DERL1: variants seen among roughly 807,000 people sequenced by gnomAD.
The protein encoded by DERL1 is derlin-1.
Under a neutral mutation model 41.6 loss-of-function variants are expected in DERL1, and 24 were observed. The observed-to-expected ratio is 0.58, with a 90% CI of 0.42 to 0.81. The LOEUF (loss-of-function observed/expected upper bound fraction) is 0.81, where lower values mean the gene tolerates loss of function less well. Ranked by LOEUF, DERL1 falls within the 30% of genes least tolerant of loss-of-function variation. DERL1 has a pLI of 0.00. For missense variants in DERL1, 260 were observed against 314.3 expected (o/e 0.83, Z 1.31); for synonymous variants, 124 against 112.5 (o/e 1.10, Z -0.65).
chr8:123,022,519 G>C (rs1007313809), intron 5 of DERL1, among the ~76,000 whole-genome samples, 165 bp downstream of exon 5: 1 of 152,174 alleles, frequency 6.6e-6, no homozygotes, highest in Non-Finnish European at 1.5e-5. Flanking sequence ...ACTCCAGGCT[G>C]GCTAATTAAA....
intron 1 of DERL1, among the ~76,000 whole-genome samples, chr8:123,039,722 A>G (rs1813003292): frequency 6.6e-6 from 1 of 152,190 alleles, no homozygotes; most frequent in Non-Finnish European, 1.5e-5. Context: ...AAACCTTTTC[A>G]GTCCTATTTA....
At chr8:123,040,263 G>T (rs2130500487) in intron 1 of DERL1, among the ~76,000 whole-genome samples, 1 of 152,266 alleles carries the variant, frequency 6.6e-6, no homozygotes, top group African/African-American at 2.4e-5. Flanking sequence ...AAGGGATAAG[G>T]GAGTGGAGTG....
At chr8:123,030,855 C>T in intron 1 of DERL1, 139 bp from the exon 2 acceptor site, 1 of 641,874 alleles carries the variant, frequency 1.6e-6, no homozygotes. Flanking sequence ...CTCAAGAAAA[C>T]AACTGAAGAA....
At chr8:123,016,175 T>G (rs1814563923) in intron 7 of DERL1, 1 of 152,198 alleles carries the variant, frequency 6.6e-6, no homozygotes, top group South Asian at 2.1e-4. Context: ...GTGGGAGAGC[T>G]GGGGCCCCAG....
intron 2 of DERL1, among the ~76,000 whole-genome samples, chr8:123,028,465 G>A (rs956225759): frequency 1.2e-4 from 19 of 152,258 alleles, no homozygotes; most frequent in African/African-American, 4.3e-4. Flanking sequence ...GAAAGTGGGA[G>A]GTAAAGAGTG....
At chr8:123,033,526 C>A (rs1441507776) in intron 1 of DERL1, among the ~76,000 whole-genome samples, 1 of 152,076 alleles carries the variant, frequency 6.6e-6, no homozygotes, top group Non-Finnish European at 1.5e-5. Flanking sequence ...GGCAGATCAC[C>A]TGAGGTCGGG....
rs1031964278 is a variant in DERL1 at position 123,015,042 on chromosome 8, G to C, written c.*405C>G. The C allele has an allele frequency of 1.3e-5, 2 of 156,322 alleles. No homozygotes were observed. Among genetic ancestry groups the C allele is most frequent in the Admixed American group, 6.5e-5 (1 of 15,370 alleles). 9.7% of individuals were successfully genotyped at this position (156,322 alleles called of 1,614,324 possible). A position where few individuals can be genotyped will look rare whatever the true frequency, so the allele number is the denominator to read the frequency against. On this transcript the variant is annotated 3_prime_UTR_variant, in exon 8 of 8. Coordinates refer to ENST00000259512, the MANE Select transcript of DERL1 (RefSeq NM_024295.6). ...CAACCTCTTCTAGTTGCAAATGTGG[G>C]GGTTGGGAAAAGTGGGAGAGAGGCA... is the stretch of plus-strand genomic sequence containing the variant.
At chr8:123,024,424 A>C (rs1327574627) in intron 3 of DERL1, among the ~76,000 whole-genome samples, 1 of 152,186 alleles carries the variant, frequency 6.6e-6, no homozygotes, top group African/African-American at 2.4e-5. Context: ...ACAGGACCTG[A>C]GACATCGAGA....
intron 7 of DERL1, 41 bp from the exon 8 acceptor site, chr8:123,015,626 C>T: frequency 6.3e-7 from 1 of 1,582,234 alleles, no homozygotes; most frequent in Non-Finnish European, 8.6e-7. Context: ...GAGAAGAGAA[C>T]AAAGTCACTT....
intron 3 of DERL1, among the ~76,000 whole-genome samples, chr8:123,024,085 T>TATTCC (rs1219043448): frequency 2.0e-5 from 3 of 152,222 alleles, no homozygotes; most frequent in Non-Finnish European, 4.4e-5. Context: ...TCATTATGCA[T>TATTCC]ATTCCATTAG....
At chr8:123,035,399 C>T (rs544216201) in intron 1 of DERL1, among the ~76,000 whole-genome samples, 1 of 152,300 alleles carries the variant, frequency 6.6e-6, no homozygotes, top group South Asian at 2.1e-4. Context: ...AACTAAATCC[C>T]ATTTTTTCCT....
chr8:123,018,528 A>G (rs1461165469), intron 7 of DERL1: 2 of 152,290 alleles, frequency 1.3e-5, no homozygotes, highest in Non-Finnish European at 2.9e-5. Context: ...TGCAAACTGA[A>G]GCTTGGAGGT....
At chr8:123,040,279 C>CG in intron 1 of DERL1, among the ~76,000 whole-genome samples, 1 of 152,236 alleles carries the variant, frequency 6.6e-6, no homozygotes, top group Admixed American at 6.5e-5. Flanking sequence ...GAGTGAAGGA[C>CG]GGGCTATTTT....
intron 1 of DERL1, among the ~76,000 whole-genome samples, chr8:123,038,536 C>A (rs146326231): frequency 2.0e-5 from 3 of 152,144 alleles, no homozygotes; most frequent in African/African-American, 7.2e-5. Context: ...GTGACAAGAA[C>A]GATTACTCTT....
Position 123,041,988 on chromosome 8 carries a change from G to A in DERL1, c.135C>T (p.Ala45=). The change falls in exon 1 of 8, where the codon GCC becomes GCT. Residue 45 remains alanine, a synonymous_variant. Transcript: ENST00000259512. ...TAAGTACCTGAAAGCGATAAAGGAAGGCTTCGGGCCAGAGGAAGAGGTAGG... is the reference window on the plus strand; with the variant it reads ...TAAGTACCTGAAAGCGATAAAGGAAAGCTTCGGGCCAGAGGAAGAGGTAGG... The part of the protein sequence containing the change: ...SPAYLFLWPE[A]FLYRFQIWRP... 6.2e-7 allele frequency: 1 copy of A among 1,612,408 alleles called. No individual in the cohort carries two copies. Among genetic ancestry groups the A allele is most frequent in the Non-Finnish European group, 8.5e-7 (1 of 1,178,910 alleles).
At chr8:123,025,144 C>T in intron 2 of DERL1, 94 bp from the exon 3 acceptor site, 1 of 1,303,978 alleles carries the variant, frequency 7.7e-7, no homozygotes, top group Non-Finnish European at 1.0e-6. Flanking sequence ...ACAGAAAAAG[C>T]CAAAATGAGA....
intron 2 of DERL1, among the ~76,000 whole-genome samples, chr8:123,026,718 T>A (rs781523331): frequency 6.6e-6 from 1 of 152,162 alleles, no homozygotes; most frequent in Admixed American, 6.5e-5. Flanking sequence ...AATAGAATGA[T>A]CTCAAAAGTT....
chr8:123,022,650 T>C, intron 5 of DERL1, 34 bp downstream of exon 5: 1 of 1,594,186 alleles, frequency 6.3e-7, no homozygotes, highest in Non-Finnish European at 8.6e-7. Flanking sequence ...TGCAGACAAA[T>C]GAAAAGGACA....
intron 1 of DERL1, among the ~76,000 whole-genome samples, chr8:123,038,977 C>G (rs752239512): frequency 2.8e-4 from 43 of 152,210 alleles, no homozygotes; most frequent in Non-Finnish European, 5.6e-4. Flanking sequence ...CACTCCCAAC[C>G]CAGGTATCCC....
Sources: allele counts gnomAD v4.1 joint callset (sites outside exome capture counted in the v4.1 genomes callset), GRCh38; gene constraint gnomAD v4.1.1; transcripts MANE v1.5; gene names NCBI Gene and HGNC (gene_info 2026-07-23, HGNC 2026-07-21).